Variants in CPVL observed in about 807,000 individuals in gnomAD.
The protein encoded by CPVL is carboxypeptidase vitellogenic like, also known as probable serine carboxypeptidase CPVL.
In CPVL, 51 loss-of-function variants were observed where a neutral mutation model predicts 63.7. The ratio of observed to expected loss-of-function variants is 0.80; its 90% CI spans 0.64 to 1.01. CPVL has a LOEUF of 1.01. Among genes scored for constraint, CPVL ranks in the 50% least tolerant of loss-of-function variants. The probability of loss-of-function intolerance (pLI) is 0.00; values close to 1 mark genes in which losing one functional copy is unlikely to be tolerated. For synonymous variants in CPVL, 195 were observed against 206.0 expected (o/e 0.95, Z 0.46); for missense variants, 530 against 573.1 (o/e 0.92, Z 0.77).
chr7:29,083,459 A>G (rs1049356222), intron 7 of CPVL, among the ~76,000 whole-genome samples: 1 of 152,206 alleles, frequency 6.6e-6, no homozygotes, highest in Non-Finnish European at 1.5e-5. Flanking sequence ...TGGTGGTTCT[A>G]GGATAGGCAT....
chr7:29,084,666 A>C (rs1375194076), intron 7 of CPVL, among the ~76,000 whole-genome samples: 1 of 152,226 alleles, frequency 6.6e-6, no homozygotes, highest in Non-Finnish European at 1.5e-5. Context: ...AAAAAGGATG[A>C]AAAAAGCAAA....
At chr7:29,049,937 T>TG (rs2128172371) in intron 11 of CPVL, among the ~76,000 whole-genome samples, 1 of 152,288 alleles carries the variant, frequency 6.6e-6, no homozygotes, top group African/African-American at 2.4e-5. Flanking sequence ...TCTCAACAGA[T>TG]GCAGAAAAAG....
At chr7:29,181,237 T>G (rs1056961210) in intron 5 of CPVL, 6 of 152,228 alleles carry the variant, frequency 3.9e-5, no homozygotes, top group African/African-American at 1.4e-4. Context: ...AACATTTTCA[T>G]AGCCTTTGAC....
At chr7:29,078,950 T>C (rs1347847320) in intron 7 of CPVL, among the ~76,000 whole-genome samples, 2 of 152,234 alleles carry the variant, frequency 1.3e-5, no homozygotes, top group Non-Finnish European at 2.9e-5. Flanking sequence ...TAGAGATTTG[T>C]CATAGGTTCA....
At chr7:29,089,157 G>C (rs1392569080) in intron 6 of CPVL, among the ~76,000 whole-genome samples, 2 of 152,064 alleles carry the variant, frequency 1.3e-5, no homozygotes, top group African/African-American at 4.8e-5. Context: ...CTCTCTGCTC[G>C]CAGAAAGGTA....
At chr7:29,184,151 TGATAGATAGATAGATAGATAGATAGATA>T (rs56102038) in intron 4 of CPVL, among the ~76,000 whole-genome samples, 3 of 143,386 alleles carry the variant, frequency 2.1e-5, no homozygotes, top group African/African-American at 7.8e-5. Context: ...TACAGATAGA[TGATAGATAGATAGATAGATAGATAGATA>T]GATAGATAGA....
At position 29,072,339 on chromosome 7, in the gene CPVL, C is replaced by T. The variant is rs775870649; in HGVS notation, c.694G>A (p.Gly232Arg). 31 of 1,613,954 alleles carry T rather than the reference C, an allele frequency of 1.9e-5. No homozygotes were observed. Among genetic ancestry groups the T allele is most frequent in the Middle Eastern group, 1.6e-4 (1 of 6,084 alleles). The change falls in exon 8 of 13, where the codon GGA becomes AGA. Residue 232 changes from glycine to arginine, a missense_variant. Gly to Arg is a moderately radical substitution (Grantham distance 125, BLOSUM62 -2). Coordinates refer to ENST00000265394, the MANE Select transcript of CPVL (RefSeq NM_031311.5). ...PVREVKINLN[G>R]IAIGDGYSDP... ...GAATATCCATCTCCAATAGCAATTC[C>T]GTTCAGGTTGATCTTCACCTCTCTC...
chr7:29,096,505 T>C (rs1447456664), intron 3 of CPVL: 4 of 471,700 alleles, frequency 8.5e-6, no homozygotes, highest in Non-Finnish European at 1.1e-5. Flanking sequence ...GGCTTGTGCA[T>C]GCTGCCAGAC....
At chr7:29,030,474 A>C in intron 12 of CPVL, 103 bp downstream of exon 12, 5 of 1,110,762 alleles carry the variant, frequency 4.5e-6, no homozygotes, top group Non-Finnish European at 6.5e-6. Flanking sequence ...TGGCTGTTGT[A>C]TGGCTTTGCT....
intron 12 of CPVL, among the ~76,000 whole-genome samples, chr7:29,008,046 G>A (rs1384630478): frequency 6.6e-6 from 1 of 152,076 alleles, no homozygotes; most frequent in East Asian, 1.9e-4. Context: ...AGGTAATGTG[G>A]GGAAAGATCA....
intron 4 of CPVL, among the ~76,000 whole-genome samples, chr7:29,182,716 G>T (rs1798214117): frequency 6.6e-6 from 1 of 152,192 alleles, no homozygotes; most frequent in East Asian, 1.9e-4. Flanking sequence ...AAGATTTAAT[G>T]TCAAAAGAGG....
At chr7:29,053,395 T>C (rs532511756) in intron 11 of CPVL, among the ~76,000 whole-genome samples, 58 of 152,324 alleles carry the variant, frequency 3.8e-4, no homozygotes, top group Non-Finnish European at 6.0e-4. Flanking sequence ...TAACCATACA[T>C]AGGAATATTA....
At chr7:29,033,679 T>C (rs555507531) in intron 11 of CPVL, among the ~76,000 whole-genome samples, 3 of 152,194 alleles carry the variant, frequency 2.0e-5, no homozygotes, top group Non-Finnish European at 4.4e-5. Context: ...CCCTTGTCAA[T>C]AGTGATTGGA....
chr7:29,148,672 C>G (rs749935414), upstream of CPVL: 1 of 152,030 alleles, frequency 6.6e-6, no homozygotes, highest in Non-Finnish European at 1.5e-5. Flanking sequence ...TTTGGGGTAC[C>G]CTGTATTCGG....
chr7:29,107,194 A>G (rs776580359), intron 3 of CPVL, among the ~76,000 whole-genome samples: 1 of 152,218 alleles, frequency 6.6e-6, no homozygotes, highest in South Asian at 2.1e-4. Flanking sequence ...GTGGAAGTCA[A>G]ACATCATCAT....
intron 5 of CPVL, among the ~76,000 whole-genome samples, chr7:29,170,143 A>G (rs1796416132): frequency 6.6e-6 from 1 of 152,070 alleles, no homozygotes; most frequent in South Asian, 2.1e-4. Flanking sequence ...CAGGAATCCT[A>G]TGGGGTGGAG....
rs1171535344 is a variant in CPVL, at chr7:29,058,007, T to A, written c.1137+6054A>T. Among the ~76,000 whole-genome samples the A allele has an allele frequency of 3.8e-4, 58 of 152,194 alleles. 1 individual carries two copies. On this transcript the variant is annotated intron_variant, in intron 11 of 12. Transcript: ENST00000265394. ...GTTCAATGTTGTGTTGGTTATTCTG[T>A]GTCTTTTGCCTCTCCTTAGAAACTT...
intron 12 of CPVL, among the ~76,000 whole-genome samples, chr7:29,003,486 A>G (rs527800741): frequency 6.6e-6 from 1 of 152,334 alleles, no homozygotes; most frequent in South Asian, 2.1e-4. Flanking sequence ...TGTTCTTCAG[A>G]CAGAAGGAAA....
chr7:29,122,872 C>T (rs536049158), intron 1 of CPVL, among the ~76,000 whole-genome samples: 2 of 152,234 alleles, frequency 1.3e-5, no homozygotes, highest in African/African-American at 4.8e-5. Context: ...TTAAGTTTTA[C>T]ACCTGAGGTA....
Sources: gnomAD v4.1 joint callset for allele counts (sites outside exome capture counted in the v4.1 genomes callset) on GRCh38, gnomAD v4.1.1 for gene constraint, MANE v1.5 for transcripts, NCBI Gene and HGNC (gene_info 2026-07-23, HGNC 2026-07-21) for gene names.